The following EPB41 variants were observed in gnomAD, a reference collection of about 807,000 sequenced individuals.
The protein encoded by EPB41 is erythrocyte membrane protein band 4.1.
In EPB41, 65 loss-of-function variants were observed where a neutral mutation model predicts 108.0. The ratio of observed to expected loss-of-function variants is 0.60; its 90% CI spans 0.49 to 0.74. The LOEUF (loss-of-function observed/expected upper bound fraction) is 0.74, where lower values mean the gene tolerates loss of function less well. EPB41 is among the 30% of genes least tolerant of loss of function. The pLI is 0.00. For missense variants in EPB41, 875 were observed against 1,037.0 expected (o/e 0.84, Z 2.15); for synonymous variants, 336 against 358.9 (o/e 0.94, Z 0.72).
At position 28,987,531 on chromosome 1, in the gene EPB41, G is replaced by T. The variant is rs2095896922; in HGVS notation, c.94G>T (p.Glu32Ter). The T allele has an allele frequency of 6.2e-7, 1 of 1,614,026 alleles. No homozygotes were observed. Among genetic ancestry groups the T allele is most frequent in the Non-Finnish European group, 8.5e-7 (1 of 1,180,026 alleles). The stretch of plus-strand genomic sequence containing the variant: ...GGAAGCCATAAACTCAGGCCAACAA[G>T]AACCTCAGCAGGAGGAATCTTGTCA... ...GEEAINSGQQ[E>*]PQQEESCQTA... is the part of the protein sequence containing the mutation. Residue 32 changes from glutamate (E) to a stop codon, truncating the protein, a stop_gained, in exon 2 of 21, where the codon GAA becomes TAA. Coordinates refer to ENST00000343067, the MANE Select transcript of EPB41 (RefSeq NM_001376013.1). LOFTEE classifies it high-confidence loss of function.
intron 1 of EPB41, among the ~76,000 whole-genome samples, chr1:28,967,208 CGGGGTTT>C (rs1256633101): frequency 6.6e-6 from 1 of 151,846 alleles, no homozygotes. Flanking sequence ...TTAGTAGAGA[CGGGGTTT>C]CACCATGTTA....
In EPB41 at chr1:28,987,381, T is replaced by C. The variant is rs1162347561; in HGVS notation, c.-7-50T>C. The C allele has an allele frequency of 2.0e-6, 3 of 1,523,536 alleles. No homozygotes were observed. In the African/African-American group the frequency reaches 4.1e-5, roughly 21 times the overall value. The allele number at this position is 1,523,536 out of a possible 1,614,324, so 94.4% of individuals were successfully genotyped here. On this transcript the variant is annotated intron_variant, in intron 1 of 20. Coordinates refer to ENST00000343067, the MANE Select transcript of EPB41 (RefSeq NM_001376013.1). ...TTAGGGTTTAGGGTTTTGCCAACAG[T>C]AATGTGTTTTGCTTATAAGAGCCCC...
intron 11 of EPB41, among the ~76,000 whole-genome samples, chr1:29,049,239 C>T (rs527446012): frequency 2.6e-5 from 4 of 152,296 alleles, no homozygotes; most frequent in African/African-American, 9.6e-5. Context: ...ATTTTTCTTG[C>T]ACTTTTTGCT....
chr1:29,071,374 C>G (rs1015947803), intron 16 of EPB41: 9 of 152,206 alleles, frequency 5.9e-5, no homozygotes, highest in Non-Finnish European at 1.3e-4. Context: ...TCAGACTACT[C>G]TACCTATCCT....
At position 28,991,635 on chromosome 1, in the gene EPB41, G is replaced by A. The variant is rs140242474; in HGVS notation, c.469-1695G>A. Among the ~76,000 whole-genome samples the A allele has an allele frequency of 3.8e-3, 565 of 150,662 alleles. 6 individuals carry two copies. Among genetic ancestry groups the A allele is most frequent in the African/African-American group, 0.013 (521 of 40,824 alleles). ...GAGGATCACTTGAGTCTGAGAGGTCGAGGCTGCATTGAGCCATGATTATGT... is the reference window on the plus strand; with the variant it reads ...GAGGATCACTTGAGTCTGAGAGGTCAAGGCTGCATTGAGCCATGATTATGT... On this transcript the variant is annotated intron_variant, in intron 2 of 20. Coordinates refer to ENST00000343067, the MANE Select transcript of EPB41 (RefSeq NM_001376013.1).
chr1:29,088,340 C>T (rs1253617902), intron 16 of EPB41, among the ~76,000 whole-genome samples: 8 of 152,136 alleles, frequency 5.3e-5, no homozygotes, highest in South Asian at 2.1e-4. Context: ...AGCCCCTGCA[C>T]CCGGCCAGCA....
chr1:28,978,918 G>A (rs1045280920), intron 1 of EPB41, among the ~76,000 whole-genome samples: 1 of 151,296 alleles, frequency 6.6e-6, no homozygotes, highest in Non-Finnish European at 1.5e-5. Context: ...TATGCCACTG[G>A]CATCCTAGAG....
intron 1 of EPB41, among the ~76,000 whole-genome samples, chr1:28,955,179 G>C (rs2094894731): frequency 6.6e-6 from 1 of 152,146 alleles, no homozygotes; most frequent in Non-Finnish European, 1.5e-5. Flanking sequence ...AAGTACACAG[G>C]CCAGTTACAA....
intron 16 of EPB41, chr1:29,068,921 C>T (rs555295126): frequency 1.3e-6 from 1 of 759,512 alleles, no homozygotes; most frequent in South Asian, 6.9e-5. Context: ...AATTCACACC[C>T]ACAGCCTTTC....
At position 28,928,595 on chromosome 1, in the gene EPB41, C is replaced by T. The variant is rs750071691; in HGVS notation, c.-8+13827C>T. ...ATAGCTCTCAGTAAATATTCCCTTC[C>T]GGTTCTTTTAAGCTTAATGCCATTT... On this transcript the variant is annotated intron_variant, in intron 1 of 20. Transcript: ENST00000343067. Among the ~76,000 whole-genome samples the T allele has an allele frequency of 5.9e-4, 90 of 152,162 alleles. 1 individual carries two copies. The highest frequency in any genetic ancestry group is 6.5e-4 in the Admixed American group (10 of 15,278).
In EPB41 at chr1:29,018,389, GA is replaced by G; in HGVS notation, c.1073del (p.Asn358IlefsTer20). ...DYVSDFKLAP[N>X]QTKELEEKVM... ...ATGTTAGTGATTTTAAACTGGCCCCGAATCAGACCAAGGAACTTGAAGAGAA... is the reference window on the plus strand; with the variant it reads ...ATGTTAGTGATTTTAAACTGGCCCCGATCAGACCAAGGAACTTGAAGAGAA... On this transcript the variant is annotated frameshift_variant, in exon 7 of 21. Transcript: ENST00000343067. LOFTEE classifies it high-confidence loss of function. The surrounding 1 kb of genome is among the most constrained non-coding windows in gnomAD (Gnocchi z 4.4). 2 of 1,614,040 alleles carry G rather than the reference GA, an allele frequency of 1.2e-6. No homozygotes were observed. Among genetic ancestry groups the G allele is most frequent in the Non-Finnish European group, 1.7e-6 (2 of 1,180,014 alleles).
At chr1:28,939,205 G>A (rs2094175224) in intron 1 of EPB41, among the ~76,000 whole-genome samples, 2 of 152,076 alleles carry the variant, frequency 1.3e-5, no homozygotes, top group Admixed American at 6.6e-5. Flanking sequence ...TTTTTATCAT[G>A]AAAGGATGTT....
intron 2 of EPB41, among the ~76,000 whole-genome samples, chr1:28,990,582 G>A (rs1043062273): frequency 6.6e-6 from 1 of 151,680 alleles, no homozygotes; most frequent in East Asian, 1.9e-4. Context: ...CACATGCCCA[G>A]CTAATTTTTA....
intron 1 of EPB41, chr1:28,985,572 C>G (rs2095854257): frequency 6.6e-6 from 1 of 152,122 alleles, no homozygotes; most frequent in African/African-American, 2.4e-5. Flanking sequence ...ATGAAGGAGA[C>G]CAGCCTTCAA....
intron 1 of EPB41, among the ~76,000 whole-genome samples, chr1:28,900,676 T>C (rs921083273): frequency 2.6e-5 from 4 of 152,236 alleles, no homozygotes; most frequent in East Asian, 1.9e-4. Flanking sequence ...CGGGCTGTCC[T>C]GAGGCTAAAG....
chr1:28,905,810 C>A (rs992006295), intron 1 of EPB41, among the ~76,000 whole-genome samples: 4 of 146,654 alleles, frequency 2.7e-5, no homozygotes, highest in African/African-American at 5.0e-5. Context: ...CTTTCTTTTT[C>A]TTTCTTTCTT....
At chr1:29,109,129 C>T (rs183466745) in intron 17 of EPB41, among the ~76,000 whole-genome samples, 99 of 150,950 alleles carry the variant, frequency 6.6e-4, no homozygotes, top group Non-Finnish European at 1.1e-3. Context: ...AACCGGGAAG[C>T]GGAGGTTGCA....
intron 16 of EPB41, among the ~76,000 whole-genome samples, chr1:29,092,365 T>A (rs1661572052): frequency 2.6e-5 from 4 of 152,044 alleles, no homozygotes. Flanking sequence ...GTGCTGGGAT[T>A]ACAGGCGTGA....
chr1:29,112,921 C>A (rs1008791295), intron 19 of EPB41, among the ~76,000 whole-genome samples: 1 of 152,142 alleles, frequency 6.6e-6, no homozygotes, highest in Non-Finnish European at 1.5e-5. Flanking sequence ...ATGCCCCTAC[C>A]CTTAGAGAGC....
Sources: gnomAD v4.1 joint callset for allele counts (sites outside exome capture counted in the v4.1 genomes callset) on GRCh38, gnomAD v4.1.1 for gene constraint, Gnocchi (gnomAD v3.1) non-coding constraint, MANE v1.5 for transcripts, NCBI Gene and HGNC (gene_info 2026-07-23, HGNC 2026-07-21) for gene names.